The following ST7 variants were observed in gnomAD, a reference collection of about 807,000 sequenced individuals.
ST7 encodes suppression of tumorigenicity 7.
ST7 carries 28 observed loss-of-function variants against 78.7 expected under a neutral mutation model. The ratio of observed to expected loss-of-function variants is 0.36; its 90% CI spans 0.26 to 0.49. ST7 has a LOEUF of 0.49. Ranked by LOEUF, ST7 falls within the 20% of genes least tolerant of loss-of-function variation. The pLI, the probability that ST7 is intolerant of heterozygous loss-of-function variation, is 0.99. For synonymous variants in ST7, 247 were observed against 249.6 expected, an observed-to-expected ratio of 0.99 and a Z score of 0.10; for missense variants, 418 against 696.0, an observed-to-expected ratio of 0.60 and a Z score of 4.49.
Position 117,190,653 on chromosome 7 carries a change from C to T in ST7, c.1152-181C>T, listed in dbSNP as rs1809689920. ...CTAGATGCAAGCACGCTTTCTGCTT[C>T]TGCTGGGGTTTTTGCTGGCCTCGGT... is the stretch of plus-strand genomic sequence containing the variant. On this transcript the variant is annotated intron_variant, in intron 11 of 15. Coordinates refer to ENST00000323984, the MANE Select transcript of ST7 (RefSeq NM_001369598.1). The surrounding 1 kb of genome is among the most constrained non-coding windows in gnomAD (Gnocchi z 5.2). 6.6e-6 allele frequency among the ~76,000 whole-genome samples: 1 copy of T among 152,182 alleles called. No individual in the cohort carries two copies. Among genetic ancestry groups the T allele is most frequent in the South Asian group, 2.1e-4 (1 of 4,828 alleles).
intron 1 of ST7, among the ~76,000 whole-genome samples, chr7:117,012,310 T>C (rs1376940449): frequency 6.6e-6 from 1 of 151,084 alleles, no homozygotes; most frequent in Non-Finnish European, 1.5e-5. Flanking sequence ...GGCTTCCGTA[T>C]GATCACCTAC....
chr7:117,126,898 A>G (rs1028890264), intron 3 of ST7, among the ~76,000 whole-genome samples: 3 of 151,854 alleles, frequency 2.0e-5, no homozygotes, highest in Admixed American at 1.3e-4. Flanking sequence ...GCTATTCAAT[A>G]TTTGCTGCTG....
intron 1 of ST7, chr7:116,972,824 G>A (rs1793500381): frequency 9.5e-7 from 1 of 1,049,884 alleles, no homozygotes; most frequent in South Asian, 1.3e-5. Context: ...CACTGGAGAC[G>A]ATCAGCTCGC....
At chr7:117,204,262 C>A (rs1272558284) in intron 12 of ST7, among the ~76,000 whole-genome samples, 1 of 152,172 alleles carries the variant, frequency 6.6e-6, no homozygotes, top group African/African-American at 2.4e-5. Flanking sequence ...GCAAAAATAT[C>A]TACTATTCAA....
At chr7:117,052,482 A>C (rs1797835988) in intron 1 of ST7, among the ~76,000 whole-genome samples, 1 of 152,204 alleles carries the variant, frequency 6.6e-6, no homozygotes, top group African/African-American at 2.4e-5. Context: ...TATTCTTTTA[A>C]TAATAACTTT....
chr7:117,106,223 C>T (rs1199677829), intron 2 of ST7, among the ~76,000 whole-genome samples: 1 of 152,030 alleles, frequency 6.6e-6, no homozygotes, highest in African/African-American at 2.4e-5. Context: ...TGGTCTCGAT[C>T]TCCTGACCTC....
At chr7:117,027,892 A>T (rs2116119957) in intron 1 of ST7, among the ~76,000 whole-genome samples, 1 of 152,282 alleles carries the variant, frequency 6.6e-6, no homozygotes, top group Middle Eastern at 3.4e-3. Flanking sequence ...TCAAGTGCTC[A>T]TGTTCTTTAA....
chr7:117,130,891 T>C (rs2117019569), intron 5 of ST7, among the ~76,000 whole-genome samples: 1 of 152,002 alleles, frequency 6.6e-6, no homozygotes, highest in Admixed American at 6.6e-5. Flanking sequence ...ATGAAGCTAA[T>C]GAAGTTCTTG....
chr7:117,128,738 C>A (rs1170153276), intron 3 of ST7, among the ~76,000 whole-genome samples: 4 of 151,728 alleles, frequency 2.6e-5, no homozygotes, highest in African/African-American at 7.3e-5. Context: ...AGTGGGTGCT[C>A]AAATTAATGC....
intron 10 of ST7, among the ~76,000 whole-genome samples, chr7:117,186,131 A>G (rs1809237743): frequency 1.3e-5 from 2 of 152,190 alleles, no homozygotes. Context: ...TTCCTTCTTC[A>G]CAATATCACA....
In ST7 at chr7:116,986,755, G is replaced by C. The variant is rs149759141; in HGVS notation, c.151+33064G>C. On this transcript the variant is annotated intron_variant, in intron 1 of 15. Coordinates refer to ENST00000323984, the MANE Select transcript of ST7 (RefSeq NM_001369598.1). The stretch of plus-strand genomic sequence containing the variant: ...ATTGGGTAGGTAGTTGGATATGTGA[G>C]TCTGGAGGTAGAGAGAGAGAGATTT... Among the ~76,000 whole-genome samples, 164 of 152,302 alleles carry C rather than the reference G, an allele frequency of 1.1e-3. 1 individual carries two copies. Among genetic ancestry groups the C allele is most frequent in the African/African-American group, 3.8e-3 (159 of 41,568 alleles).
chr7:117,204,993 A>C (rs1282176486), intron 12 of ST7, among the ~76,000 whole-genome samples: 1 of 152,200 alleles, frequency 6.6e-6, no homozygotes, highest in Non-Finnish European at 1.5e-5. Flanking sequence ...GCTTGAGCCC[A>C]GGAGTTCAAG....
At position 116,953,694 on chromosome 7, in the gene ST7, A is replaced by T. The variant is rs752493455; in HGVS notation, c.151+3A>T. ...AATCAACGACAACTTGAGCACAGGT[A>T]AGGCCTGGGAGCCGGGCCCGCGGCG... On this transcript the variant is annotated splice_donor_region_variant and intron_variant, in intron 1 of 15. Transcript: ENST00000323984. The T allele has an allele frequency of 5.5e-6, 8 of 1,459,976 alleles. No individual in the cohort carries two copies. The highest frequency in any genetic ancestry group is 7.4e-6 in the Non-Finnish European group (8 of 1,088,242). The allele number at this position is 1,459,976 out of a possible 1,614,324, so 90.4% of individuals were successfully genotyped here. A position where few individuals can be genotyped will look rare whatever the true frequency, so the allele number is the denominator to read the frequency against.
intron 12 of ST7, among the ~76,000 whole-genome samples, chr7:117,196,149 T>C (rs1340075247): frequency 6.6e-6 from 1 of 152,238 alleles, no homozygotes; most frequent in Non-Finnish European, 1.5e-5. Context: ...TGCCACATTG[T>C]CTTTATCCAC....
At chr7:117,131,333 C>T (rs113590341) in intron 5 of ST7, among the ~76,000 whole-genome samples, 21 of 151,752 alleles carry the variant, frequency 1.4e-4, no homozygotes, top group African/African-American at 4.6e-4. Flanking sequence ...CATTGAGCTT[C>T]CCACCATATG....
At chr7:117,051,403 A>G (rs901405547) in intron 1 of ST7, among the ~76,000 whole-genome samples, 1 of 152,188 alleles carries the variant, frequency 6.6e-6, no homozygotes, top group Non-Finnish European at 1.5e-5. Flanking sequence ...GAAGAGCATT[A>G]CAGAGAGGGG....
intron 1 of ST7, among the ~76,000 whole-genome samples, chr7:117,058,379 A>G (rs1391125847): frequency 1.3e-5 from 2 of 152,190 alleles, no homozygotes; most frequent in African/African-American, 4.8e-5. Context: ...GCATAAAAGC[A>G]CTTGATCTGG....
intron 1 of ST7, among the ~76,000 whole-genome samples, chr7:116,986,766 G>A (rs546549275): frequency 2.1e-4 from 32 of 151,956 alleles, no homozygotes; most frequent in African/African-American, 6.5e-4. Context: ...TCTGGAGGTA[G>A]AGAGAGAGAG....
intron 1 of ST7, chr7:116,972,843 A>G (rs572916415): frequency 1.7e-6 from 2 of 1,151,106 alleles, no homozygotes; most frequent in East Asian, 2.3e-5. Flanking sequence ...GCTCCTCTGC[A>G]TCATCTGCCT....
Sources: gnomAD v4.1 joint callset for allele counts (sites outside exome capture counted in the v4.1 genomes callset) on GRCh38, gnomAD v4.1.1 for gene constraint, Gnocchi (gnomAD v3.1) non-coding constraint, MANE v1.5 for transcripts, NCBI Gene and HGNC (gene_info 2026-07-23, HGNC 2026-07-21) for gene names.